The following NOX4 variants were observed in gnomAD, a reference collection of about 807,000 sequenced individuals.
NOX4 encodes kidney oxidase-1.
A neutral mutation model predicts 87.6 loss-of-function variants in NOX4; 69 were observed. That is an observed-to-expected ratio of 0.79 (90% CI 0.65 to 0.96). The LOEUF (loss-of-function observed/expected upper bound fraction) is 0.96, where lower values mean the gene tolerates loss of function less well. Ranked by LOEUF, NOX4 falls within the 40% of genes least tolerant of loss-of-function variation. The probability of loss-of-function intolerance (pLI) is 0.00; values close to 1 mark genes in which losing one functional copy is unlikely to be tolerated. For missense variants in NOX4, 680 were observed against 681.5 expected, an observed-to-expected ratio of 1.00 and a Z score of 0.02; for synonymous variants, 275 against 238.2, an observed-to-expected ratio of 1.15 and a Z score of -1.42.
At chr11:89,581,673 A>T in the NOX4 span, among the ~76,000 whole-genome samples, 1 of 152,098 alleles carries the variant, frequency 6.6e-6, no homozygotes, top group African/African-American at 2.4e-5. Flanking sequence ...CCTAATAAAT[A>T]TATTACTGCT....
the NOX4 span, among the ~76,000 whole-genome samples, chr11:89,579,610 T>C: frequency 2.0e-5 from 3 of 151,976 alleles, no homozygotes; most frequent in African/African-American, 4.8e-5. Context: ...ATACAACATA[T>C]AGAGTGAACC....
At chr11:89,329,218 C>T (rs12271570) in intron 17 of NOX4, among the ~76,000 whole-genome samples, 104 of 150,228 alleles carry the variant, frequency 6.9e-4, no homozygotes, top group African/African-American at 2.4e-3. Flanking sequence ...AACATAAATT[C>T]TAGAGATGGA....
At chr11:89,454,661 G>C (rs1945111269) in intron 2 of NOX4, among the ~76,000 whole-genome samples, 2 of 152,020 alleles carry the variant, frequency 1.3e-5, no homozygotes, top group Non-Finnish European at 2.9e-5. Flanking sequence ...AAATACAAAA[G>C]TAAATAGTCT....
the NOX4 span, among the ~76,000 whole-genome samples, chr11:89,587,237 A>AT: frequency 2.0e-5 from 3 of 152,002 alleles, no homozygotes; most frequent in Non-Finnish European, 4.4e-5. Flanking sequence ...AAGGGAGAGG[A>AT]TAGAGGCACC....
At chr11:89,444,486 C>CACACAT (rs1944598348) in intron 4 of NOX4, among the ~76,000 whole-genome samples, 1 of 147,346 alleles carries the variant, frequency 6.8e-6, no homozygotes, top group Admixed American at 6.9e-5. Flanking sequence ...CACACACACA[C>CACACAT]ACACACATAC....
At chr11:89,431,859 C>A (rs554528335) in intron 7 of NOX4, among the ~76,000 whole-genome samples, 39 of 152,096 alleles carry the variant, frequency 2.6e-4, no homozygotes, top group African/African-American at 8.9e-4. Flanking sequence ...GGGTATATAC[C>A]CAAAGGATTA....
At position 89,400,079 on chromosome 11, in the gene NOX4, A is replaced by T. The variant is rs547635509; in HGVS notation, c.1012T>A (p.Tyr338Asn). The change falls in exon 11 of 18, where the codon TAT becomes AAT. Residue 338 changes from tyrosine (Y) to asparagine (N), a missense_variant and splice_region_variant. Transcript: ENST00000263317. ...ACACTGGGACAATGTAGAGTAATATACTAAAAAGCAACAAACAGATAAGTT... is the reference window on the plus strand; with the variant it reads ...ACACTGGGACAATGTAGAGTAATATTCTAAAAAGCAACAAACAGATAAGTT... ...KENFKARPGQ[Y>N]ITLHCPSVSA... 1 of 1,602,040 alleles carries T rather than the reference A, an allele frequency of 6.2e-7. No homozygotes were observed. Among genetic ancestry groups the T allele is most frequent in the South Asian group, 1.1e-5 (1 of 90,070 alleles).
chr11:89,474,930 G>A (rs1386501733), intron 2 of NOX4, among the ~76,000 whole-genome samples: 1 of 151,680 alleles, frequency 6.6e-6, no homozygotes, highest in East Asian at 1.9e-4. Context: ...TATGAAAACA[G>A]AGGGGGTATT....
chr11:89,506,682 T>A, the NOX4 span, among the ~76,000 whole-genome samples: 1 of 151,882 alleles, frequency 6.6e-6, no homozygotes, highest in African/African-American at 2.4e-5. Context: ...GTAACTCATA[T>A]GTCTGATAAG....
At chr11:89,486,073 C>G (rs1283043348) in intron 2 of NOX4, among the ~76,000 whole-genome samples, 1 of 151,818 alleles carries the variant, frequency 6.6e-6, no homozygotes, top group Non-Finnish European at 1.5e-5. Context: ...CTTATTTTTT[C>G]TATCAATTCG....
At chr11:89,334,542 T>C (rs2135370826) in intron 17 of NOX4, among the ~76,000 whole-genome samples, 1 of 151,902 alleles carries the variant, frequency 6.6e-6, no homozygotes, top group Admixed American at 6.6e-5. Context: ...GGGATCATCT[T>C]GAATCAGTGA....
intron 11 of NOX4, among the ~76,000 whole-genome samples, chr11:89,389,896 G>A (rs116964041): frequency 0.019 from 2,935 of 152,116 alleles, 82 homozygotes; most frequent in East Asian, 0.13. Flanking sequence ...CTGTGTCACC[G>A]AGTTAACAAT....
chr11:89,438,238 CAT>C (rs1442774824), intron 6 of NOX4, among the ~76,000 whole-genome samples: 2 of 138,414 alleles, frequency 1.4e-5, no homozygotes, highest in East Asian at 4.1e-4. Flanking sequence ...ATTAGTATAA[CAT>C]AGTAATATAT....
chr11:89,479,857 G>A (rs1946318285), intron 2 of NOX4, among the ~76,000 whole-genome samples: 1 of 152,102 alleles, frequency 6.6e-6, no homozygotes, highest in African/African-American at 2.4e-5. Context: ...GCTTTAGGAT[G>A]TAATTCTAGG....
At chr11:89,573,003 T>C in the NOX4 span, among the ~76,000 whole-genome samples, 1 of 152,280 alleles carries the variant, frequency 6.6e-6, no homozygotes, top group African/African-American at 2.4e-5. Flanking sequence ...ATTCCTCTTT[T>C]ACTATAGTTC....
intron 6 of NOX4, among the ~76,000 whole-genome samples, chr11:89,438,390 ATT>A (rs1337566186): frequency 8.9e-6 from 1 of 112,350 alleles, no homozygotes; most frequent in African/African-American, 3.6e-5. Context: ...ATAATATATA[ATT>A]ATAATATAAA....
chr11:89,403,176 A>T (rs1286808303), intron 8 of NOX4, among the ~76,000 whole-genome samples: 1 of 152,128 alleles, frequency 6.6e-6, no homozygotes, highest in Non-Finnish European at 1.5e-5. Flanking sequence ...ACACCATAAA[A>T]ATCTCATTCT....
In NOX4 at chr11:89,324,630, T is replaced by G. The variant is rs1473401871; in HGVS notation, c.*2126A>C. 6.6e-6 allele frequency: 1 copy of G among 152,234 alleles called. No individual in the cohort carries two copies. The highest frequency in any genetic ancestry group is 2.1e-4 in the South Asian group (1 of 4,832). The allele number at this position is 152,234 out of a possible 1,614,324, so 9.4% of individuals were successfully genotyped here. On this transcript the variant is annotated 3_prime_UTR_variant, in exon 18 of 18. Transcript: ENST00000263317. ...CTACCTGTTTTAATGAAATTAGGTC[T>G]ATTAATATGATCGCATAAATAAATT...
At chr11:89,433,546 A>T (rs1943922544) in intron 6 of NOX4, among the ~76,000 whole-genome samples, 1 of 152,022 alleles carries the variant, frequency 6.6e-6, no homozygotes, top group Non-Finnish European at 1.5e-5. Context: ...TTTCAATTTC[A>T]ATTAACTGCT....
Sources: allele counts gnomAD v4.1 joint callset (sites outside exome capture counted in the v4.1 genomes callset), GRCh38; gene constraint gnomAD v4.1.1; transcripts MANE v1.5; gene names NCBI Gene and HGNC (gene_info 2026-07-23, HGNC 2026-07-21).